The following MTA3 variants were observed in gnomAD, a reference collection of about 807,000 sequenced individuals.
The protein encoded by MTA3 is metastasis associated 1 family member 3, also known as metastasis-associated protein MTA3.
Under a neutral mutation model 83.5 loss-of-function variants are expected in MTA3, and 34 were observed. That is an observed-to-expected ratio of 0.41 (90% CI 0.31 to 0.54). The LOEUF (loss-of-function observed/expected upper bound fraction) is 0.54, where lower values mean the gene tolerates loss of function less well. Ranked by LOEUF, MTA3 falls within the 20% of genes least tolerant of loss-of-function variation. MTA3 has a pLI of 0.33. For synonymous variants in MTA3, 303 were observed against 252.7 expected, an observed-to-expected ratio of 1.20 and a Z score of -1.89; for missense variants, 761 against 726.4, an observed-to-expected ratio of 1.05 and a Z score of -0.55.
chr2:42,528,068 G>C (rs574686140), intron 2 of MTA3, among the ~76,000 whole-genome samples: 5 of 152,012 alleles, frequency 3.3e-5, no homozygotes, highest in Non-Finnish European at 7.4e-5. Flanking sequence ...GGGACTACAG[G>C]CACGTGCCAC....
chr2:42,606,547 C>T (rs539374486), intron 3 of MTA3, among the ~76,000 whole-genome samples: 1 of 148,052 alleles, frequency 6.8e-6, no homozygotes, highest in Admixed American at 6.7e-5. Context: ...GCGCTCCTCA[C>T]TTCCTAGATG....
intron 8 of MTA3, among the ~76,000 whole-genome samples, chr2:42,663,999 A>G (rs75794049): frequency 0.023 from 3,528 of 152,234 alleles, 136 homozygotes; most frequent in African/African-American, 0.079. Context: ...TCATGTTTGT[A>G]TAGCTGGTTT....
At position 42,521,751 on chromosome 2, in the gene MTA3, C is replaced by CTTTTTT. The variant is rs35664371; in HGVS notation, c.-141+26513_-141+26518dup. ...GATAACTGCCCCTGAATCTTTCTCT[C>CTTTTTT]TTTTTTTTTTTTTTTTTTTTTGAGA... is the stretch of plus-strand genomic sequence containing the variant. On this transcript the variant is annotated intron_variant, in intron 2 of 17. Coordinates refer to the MTA3 transcript ENST00000405592. Among the ~76,000 whole-genome samples, 88 of 106,400 alleles carry CTTTTTT rather than the reference C, an allele frequency of 8.3e-4. 2 individuals are homozygous for CTTTTTT. Among genetic ancestry groups the CTTTTTT allele is most frequent in the African/African-American group, 2.1e-3 (56 of 27,294 alleles). The allele number at this position is 106,400 out of a possible 152,430, so 69.8% of individuals were successfully genotyped here.
Position 42,664,494 on chromosome 2 carries a change from T to TG in MTA3, c.702+4633dup, listed in dbSNP as rs1242133525. On this transcript the variant is annotated intron_variant, in intron 8 of 16. Transcript: ENST00000405094. The stretch of plus-strand genomic sequence containing the variant: ...TTTTTTTTTTTTTTTTTTTTTTTTT[T>TG]GAGACAGTTTGCTCTGTTGCCCAGG... 1.3e-4 allele frequency among the ~76,000 whole-genome samples: 13 copies of TG among 102,936 alleles called. 1 individual carries two copies. Among genetic ancestry groups the TG allele is most frequent in the African/African-American group, 5.3e-4 (13 of 24,626 alleles). 67.5% of individuals were successfully genotyped at this position (102,936 alleles called of 152,430 possible).
At chr2:42,690,888 A>G (rs541323284) in intron 9 of MTA3, among the ~76,000 whole-genome samples, 3 of 143,558 alleles carry the variant, frequency 2.1e-5, no homozygotes, top group Admixed American at 7.1e-5. Context: ...TTATTTATTT[A>G]TTTATTGAGA....
At chr2:42,749,106 G>T (rs1309814800) in intron 16 of MTA3, among the ~76,000 whole-genome samples, 1 of 152,188 alleles carries the variant, frequency 6.6e-6, no homozygotes, top group African/African-American at 2.4e-5. Flanking sequence ...ATCTCACCCT[G>T]TACTTGCATA....
rs1683354006 is a variant in MTA3, at chr2:42,606,179, G to T, written c.191-3279G>T. The stretch of plus-strand genomic sequence containing the variant: ...CGCCCCTCACCTCCCGGACGGGGCG[G>T]CTGGCCGGGCGGGGGGCTGACCCCC... On this transcript the variant is annotated intron_variant, in intron 3 of 16. Transcript: ENST00000405094. Among the ~76,000 whole-genome samples, 4 of 81,614 alleles carry T rather than the reference G, an allele frequency of 4.9e-5. No homozygotes were observed. The South Asian group carries it at 2.3e-3, about 47-fold the overall frequency. 53.5% of individuals were successfully genotyped at this position (81,614 alleles called of 152,430 possible). A position where few individuals can be genotyped will look rare whatever the true frequency, so the allele number is the denominator to read the frequency against.
At position 42,756,812 on chromosome 2, in the gene MTA3, G is replaced by A. The variant is rs903897269; in HGVS notation, c.*3413G>A. The A allele has an allele frequency of 6.1e-6, 6 of 985,372 alleles. No individual in the cohort carries two copies. The highest frequency in any genetic ancestry group is 3.5e-5 in the African/African-American group (2 of 57,338). The allele number at this position is 985,372 out of a possible 1,614,324, so 61.0% of individuals were successfully genotyped here. A position where few individuals can be genotyped will look rare whatever the true frequency, so the allele number is the denominator to read the frequency against. ...TGCCAGGGAAGCTAACCCAGAGCAC[G>A]CACCTGTGCTCATGAGTGTTTCCGC... is the stretch of plus-strand genomic sequence containing the variant. On this transcript the variant is annotated 3_prime_UTR_variant, in exon 17 of 17. Transcript: ENST00000405094.
At chr2:42,710,515 C>A (rs1037021150) in intron 14 of MTA3, among the ~76,000 whole-genome samples, 1 of 137,356 alleles carries the variant, frequency 7.3e-6, no homozygotes, top group African/African-American at 2.8e-5. Context: ...TGCGCCATTG[C>A]GCTCCAGCCT....
intron 8 of MTA3, among the ~76,000 whole-genome samples, chr2:42,660,396 A>G (rs1288211614): frequency 3.9e-5 from 6 of 152,124 alleles, no homozygotes; most frequent in Admixed American, 3.9e-4. Flanking sequence ...CAGAGGGGCT[A>G]TTTTCTATAT....
intron 8 of MTA3, among the ~76,000 whole-genome samples, chr2:42,672,349 A>G (rs1370444621): frequency 6.6e-6 from 1 of 151,812 alleles, no homozygotes; most frequent in Non-Finnish European, 1.5e-5. Flanking sequence ...CTATTAAAAA[A>G]AAAAAAAAAT....
chr2:42,705,717 C>CA (rs1185143782), intron 12 of MTA3, among the ~76,000 whole-genome samples: 4 of 149,550 alleles, frequency 2.7e-5, no homozygotes, highest in Admixed American at 6.7e-5. Flanking sequence ...CCCCCGCCCC[C>CA]AAAAAAAAAA....
intron 3 of MTA3, among the ~76,000 whole-genome samples, chr2:42,599,044 C>G (rs778070966): frequency 2.1e-4 from 32 of 152,270 alleles, no homozygotes; most frequent in Middle Eastern, 6.8e-3. Context: ...TGTGGCTGCT[C>G]TCCTTTTTAA....
intron 3 of MTA3, among the ~76,000 whole-genome samples, chr2:42,579,960 G>T (rs751924418): frequency 2.0e-5 from 3 of 152,032 alleles, no homozygotes; most frequent in Non-Finnish European, 4.4e-5. Context: ...TTTTGGTGAG[G>T]GGACTAGGTC....
chr2:42,581,015 G>GC (rs1239016050), intron 3 of MTA3, among the ~76,000 whole-genome samples: 1 of 152,174 alleles, frequency 6.6e-6, no homozygotes. Context: ...GAGAGTCGTT[G>GC]CCCACTGTGT....
At chr2:42,699,854 CAGCATACAATAATT>C (rs1693709680) in intron 11 of MTA3, among the ~76,000 whole-genome samples, 1 of 152,084 alleles carries the variant, frequency 6.6e-6, no homozygotes, top group Admixed American at 6.6e-5. Context: ...TGAGCTTCAT[CAGCATACAATAATT>C]ATATTTGAAG....
At position 42,756,928 on chromosome 2, in the gene MTA3, A is replaced by G. The variant is rs1020898364; in HGVS notation, c.*3529A>G. On this transcript the variant is annotated 3_prime_UTR_variant, in exon 17 of 17. Coordinates refer to ENST00000405094, the MANE Select transcript of MTA3 (RefSeq NM_001330442.2). ...CTAACCAATTTGTATTGTGTTTCCA[A>G]TAAATTCCTGGAAATTTTGCCTGGT... The G allele has an allele frequency of 9.1e-6, 9 of 985,332 alleles. No homozygotes were observed. Among genetic ancestry groups the G allele is most frequent in the African/African-American group, 1.7e-5 (1 of 57,200 alleles). 61.0% of individuals were successfully genotyped at this position (985,332 alleles called of 1,614,324 possible). A position where few individuals can be genotyped will look rare whatever the true frequency, so the allele number is the denominator to read the frequency against.
chr2:42,536,701 T>C lies in MTA3; in HGVS notation c.-140-33736T>C, dbSNP rs186437823. On this transcript the variant is annotated intron_variant, in intron 2 of 17. Coordinates refer to the MTA3 transcript ENST00000405592. ...GGTGAAACCCCGTCTCTACTAAAAA[T>C]ACAAAAAATTAGCCGGGCGTGGTAG... 4.4e-3 allele frequency among the ~76,000 whole-genome samples: 667 copies of C among 151,520 alleles called. 5 individuals carry two copies. Among genetic ancestry groups the C allele is most frequent in the African/African-American group, 0.015 (636 of 41,300 alleles).
intron 16 of MTA3, among the ~76,000 whole-genome samples, chr2:42,747,385 C>T (rs1669521731): frequency 6.6e-6 from 1 of 151,902 alleles, no homozygotes; most frequent in South Asian, 2.1e-4. Flanking sequence ...GTCTTTTGGC[C>T]AACATAAGAC....
Sources: allele counts gnomAD v4.1 joint callset (sites outside exome capture counted in the v4.1 genomes callset), GRCh38; gene constraint gnomAD v4.1.1; transcripts MANE v1.5; gene names NCBI Gene and HGNC (gene_info 2026-07-23, HGNC 2026-07-21).